PCCA: variants seen among roughly 807,000 people sequenced by gnomAD.
PCCA encodes the protein propionyl-CoA carboxylase subunit alpha.
Under a neutral mutation model 101.3 loss-of-function variants are expected in PCCA, and 74 were observed. That is an observed-to-expected ratio of 0.73 (90% CI 0.61 to 0.89). The LOEUF (loss-of-function observed/expected upper bound fraction) is 0.89. Ranked by LOEUF, PCCA falls within the 40% of genes least tolerant of loss-of-function variation. PCCA has a pLI of 0.00. For missense variants in PCCA, 891 were observed against 907.0 expected (o/e 0.98, Z 0.23); for synonymous variants, 294 against 313.6 (o/e 0.94, Z 0.66).
intron 20 of PCCA, among the ~76,000 whole-genome samples, chr13:100,429,185 C>T (rs2079371108): frequency 6.6e-6 from 1 of 151,960 alleles, no homozygotes; most frequent in Non-Finnish European, 1.5e-5. Context: ...CTCTTCTGAC[C>T]ACTGTTAGCA....
At chr13:100,425,360 T>C (rs2079069280) in intron 19 of PCCA, among the ~76,000 whole-genome samples, 1 of 152,226 alleles carries the variant, frequency 6.6e-6, no homozygotes. Context: ...CATGTCCAGA[T>C]AGGTTTCGAG....
intron 21 of PCCA, among the ~76,000 whole-genome samples, chr13:100,461,266 TATCTTGTC>T (rs1393088121): frequency 2.0e-5 from 3 of 152,238 alleles, no homozygotes; most frequent in Non-Finnish European, 4.4e-5. Context: ...GCTTGGGCTG[TATCTTGTC>T]ATCTGATATC....
chr13:100,153,303 G>C (rs1324990141), intron 4 of PCCA, among the ~76,000 whole-genome samples: 5 of 152,128 alleles, frequency 3.3e-5, no homozygotes, highest in Non-Finnish European at 7.3e-5. Context: ...GAGATTGTTG[G>C]GTAGATGAGA....
intron 22 of PCCA, among the ~76,000 whole-genome samples, chr13:100,520,443 C>G (rs901782068): frequency 7.9e-5 from 12 of 151,754 alleles, no homozygotes; most frequent in African/African-American, 2.4e-4. Flanking sequence ...GTCAGGAGAT[C>G]GAGACCACGG....
intron 22 of PCCA, among the ~76,000 whole-genome samples, chr13:100,525,472 C>A (rs1047546449): frequency 6.6e-6 from 1 of 152,260 alleles, no homozygotes; most frequent in Non-Finnish European, 1.5e-5. Flanking sequence ...TGTCCACCAC[C>A]CACTTGCTCC....
chr13:100,263,207 A>G (rs1315942754), intron 10 of PCCA, among the ~76,000 whole-genome samples: 1 of 152,164 alleles, frequency 6.6e-6, no homozygotes, highest in Admixed American at 6.6e-5. Flanking sequence ...CATTTCTTCT[A>G]TTCAGTTTAA....
intron 4 of PCCA, among the ~76,000 whole-genome samples, chr13:100,135,835 C>G (rs2051094201): frequency 1.3e-5 from 2 of 152,100 alleles, no homozygotes; most frequent in Non-Finnish European, 2.9e-5. Context: ...AAGATCCTGT[C>G]TACTCCTAAT....
intron 18 of PCCA, among the ~76,000 whole-genome samples, chr13:100,345,745 G>T (rs2072103227): frequency 1.3e-5 from 2 of 152,110 alleles, no homozygotes; most frequent in African/African-American, 2.4e-5. Context: ...TCAATACCTG[G>T]CTTCAGAGCT....
chr13:100,156,412 T>C (rs1405747610), intron 5 of PCCA, among the ~76,000 whole-genome samples: 6 of 152,232 alleles, frequency 3.9e-5, no homozygotes, highest in Non-Finnish European at 8.8e-5. Flanking sequence ...TATTTCTGGA[T>C]TATGATACTG....
chr13:100,144,185 CTA>C lies in PCCA; in HGVS notation c.301-10791_301-10790del, dbSNP rs372305326. ...ATTACCTTCAATGTCTGGGAGCTAACTATACCAGGAAGCTTTTGAGTGGTTGA... is the reference window on the plus strand; with the variant it reads ...ATTACCTTCAATGTCTGGGAGCTAACTACCAGGAAGCTTTTGAGTGGTTGA... On this transcript the variant is annotated intron_variant, in intron 4 of 23. Transcript: ENST00000376285. 4.7e-3 allele frequency among the ~76,000 whole-genome samples: 720 copies of C among 152,298 alleles called. 6 individuals are homozygous for C. Among genetic ancestry groups the C allele is most frequent in the African/African-American group, 0.017 (693 of 41,558 alleles).
chr13:100,192,995 G>A (rs1003800099), intron 6 of PCCA, among the ~76,000 whole-genome samples: 25 of 152,138 alleles, frequency 1.6e-4, no homozygotes, highest in African/African-American at 5.6e-4. Context: ...TACTTAACCA[G>A]CCTGCTTCCG....
At chr13:100,376,860 A>AG (rs1235030551) in intron 19 of PCCA, among the ~76,000 whole-genome samples, 3 of 152,118 alleles carry the variant, frequency 2.0e-5, no homozygotes, top group Admixed American at 6.5e-5. Flanking sequence ...TATGAAAAAA[A>AG]ACTCCTGCAG....
At chr13:100,149,647 C>T (rs898512239) in intron 4 of PCCA, 3 of 152,204 alleles carry the variant, frequency 2.0e-5, no homozygotes, top group African/African-American at 7.2e-5. Flanking sequence ...TTGGAGTGTT[C>T]TACCCAGTGT....
intron 8 of PCCA, among the ~76,000 whole-genome samples, chr13:100,239,427 C>T (rs996051992): frequency 2.6e-5 from 4 of 152,130 alleles, no homozygotes; most frequent in African/African-American, 9.7e-5. Flanking sequence ...ATGTGTTATA[C>T]ATGGAATTAA....
chr13:100,376,289 C>T (rs2075896072), intron 19 of PCCA, among the ~76,000 whole-genome samples: 1 of 152,202 alleles, frequency 6.6e-6, no homozygotes, highest in Non-Finnish European at 1.5e-5. Flanking sequence ...CTGTCAATCC[C>T]TGCGGGGGGG....
At chr13:100,426,580 G>A (rs924885836) in intron 20 of PCCA, among the ~76,000 whole-genome samples, 1 of 152,114 alleles carries the variant, frequency 6.6e-6, no homozygotes, top group Non-Finnish European at 1.5e-5. Flanking sequence ...GAGAGACCGG[G>A]ATAGTGGACA....
chr13:100,303,122 A>T, intron 14 of PCCA, 124 bp downstream of exon 14: 1 of 758,328 alleles, frequency 1.3e-6, no homozygotes, highest in Non-Finnish European at 2.4e-6. Flanking sequence ...CATGGGAATC[A>T]TGGTTTTTGT....
intron 18 of PCCA, among the ~76,000 whole-genome samples, chr13:100,362,338 A>G (rs997372408): frequency 3.3e-5 from 5 of 152,186 alleles, no homozygotes; most frequent in African/African-American, 1.2e-4. Context: ...GGGATTTCAG[A>G]TATTTCTGCA....
intron 6 of PCCA, among the ~76,000 whole-genome samples, chr13:100,208,950 G>A (rs564483431): frequency 6.6e-6 from 1 of 152,286 alleles, no homozygotes; most frequent in East Asian, 1.9e-4. Context: ...GGATATTTGT[G>A]TTATACTAGG....
Sources: allele counts gnomAD v4.1 joint callset (sites outside exome capture counted in the v4.1 genomes callset), GRCh38; gene constraint gnomAD v4.1.1; transcripts MANE v1.5; gene names NCBI Gene and HGNC (gene_info 2026-07-23, HGNC 2026-07-21).